The following MAP3K15 variants were observed in gnomAD, a reference collection of about 807,000 sequenced individuals.
MAP3K15 encodes the protein MAPK/ERK kinase kinase 15.
MAP3K15 carries 124 observed loss-of-function variants against 99.5 expected under a neutral mutation model. The observed-to-expected ratio is 1.25, with a 90% CI of 1.08 to 1.45. The LOEUF (loss-of-function observed/expected upper bound fraction) is 1.45, where lower values mean the gene tolerates loss of function less well. MAP3K15 is among the 40% of genes most tolerant of loss of function. The probability of loss-of-function intolerance (pLI) is 0.00; values close to 1 mark genes in which losing one functional copy is unlikely to be tolerated. For missense variants in MAP3K15, 1,242 were observed against 1,079.7 expected (o/e 1.15, Z -2.11); for synonymous variants, 494 against 439.6 (o/e 1.12, Z -1.55).
intron 6 of MAP3K15, among the ~76,000 whole-genome samples, chrX:19,433,679 A>G (rs2063900641): frequency 9.0e-6 from 1 of 111,609 alleles, no homozygotes; most frequent in African/African-American, 3.3e-5. Flanking sequence ...AACCCTGCCT[A>G]AGATAATTAC....
At chrX:19,367,309 C>T (rs192885746) in intron 25 of MAP3K15, among the ~76,000 whole-genome samples, 32 of 110,777 alleles carry the variant, frequency 2.9e-4, no homozygotes, top group African/African-American at 9.9e-4. Flanking sequence ...GAACAACACA[C>T]ACTGGGGCCT....
intron 6 of MAP3K15, among the ~76,000 whole-genome samples, chrX:19,446,116 G>A (rs906490136): frequency 2.7e-5 from 3 of 111,523 alleles, no homozygotes; most frequent in African/African-American, 9.8e-5. Flanking sequence ...CTTAACCTGC[G>A]TTCTAACAAA....
At chrX:19,442,269 A>AG (rs1314316418) in intron 6 of MAP3K15, among the ~76,000 whole-genome samples, 3 of 111,619 alleles carry the variant, frequency 2.7e-5, no homozygotes, top group South Asian at 7.5e-4. Flanking sequence ...CCCTACTTCA[A>AG]TGGTTATCTT....
chrX:19,468,520 G>GAGTTGC (rs1468038275), intron 3 of MAP3K15, among the ~76,000 whole-genome samples: 1 of 111,958 alleles, frequency 8.9e-6, no homozygotes, highest in African/African-American at 3.2e-5. Context: ...CAGTCAAAGA[G>GAGTTGC]AGCCTAGCTG....
chrX:19,459,798 C>T (rs1375160571), intron 5 of MAP3K15, among the ~76,000 whole-genome samples, 187 bp downstream of exon 5: 2 of 111,713 alleles, frequency 1.8e-5, no homozygotes, highest in African/African-American at 6.5e-5. Flanking sequence ...TGCAGTGAGC[C>T]GAGATCGCAC....
chrX:19,454,406 C>T (rs188632281), intron 6 of MAP3K15, among the ~76,000 whole-genome samples: 49 of 112,029 alleles, frequency 4.4e-4, no homozygotes, highest in Non-Finnish European at 8.3e-4. Flanking sequence ...ACAGCAAATA[C>T]AAATCACTCA....
At chrX:19,514,127 T>C (rs1278827589) in intron 1 of MAP3K15, among the ~76,000 whole-genome samples, 2 of 110,505 alleles carry the variant, frequency 1.8e-5, no homozygotes, top group Non-Finnish European at 3.8e-5. Flanking sequence ...CACACACACG[T>C]AAGACACCGA....
At chrX:19,492,317 G>A (rs2064373557) in intron 1 of MAP3K15, among the ~76,000 whole-genome samples, 1 of 110,362 alleles carries the variant, frequency 9.1e-6, no homozygotes, top group Non-Finnish European at 1.9e-5. Flanking sequence ...CAGACACCAC[G>A]TTGTTTTATC....
At chrX:19,504,846 C>T (rs1183511281) in intron 1 of MAP3K15, among the ~76,000 whole-genome samples, 1 of 108,493 alleles carries the variant, frequency 9.2e-6, no homozygotes, top group Non-Finnish European at 1.9e-5. Context: ...GTCCCAGCTA[C>T]CTGGGAGGCT....
At position 19,515,082 on chromosome X, in the gene MAP3K15, A is replaced by G; in HGVS notation, c.180T>C (p.Ala60=). ...EGESGGGPRR[A]LRAVYVRSES... Reference sequence around the variant, plus strand: ...CACTGCGCACGTATACTGCCCGCAGAGCCCGCCGCGGCCCGCCCCCACTCT... The same window carrying G: ...CACTGCGCACGTATACTGCCCGCAGGGCCCGCCGCGGCCCGCCCCCACTCT... The change falls in exon 1 of 29, where the codon GCT becomes GCC. Residue 60 remains alanine (A), a synonymous_variant. Coordinates refer to ENST00000338883, the MANE Select transcript of MAP3K15 (RefSeq NM_001001671.4). 3.3e-6 allele frequency: 3 copies of G among 901,010 alleles called. No individual in the cohort carries two copies. Among genetic ancestry groups the G allele is most frequent in the East Asian group, 5.0e-5 (1 of 20,193 alleles). The allele number at this position is 901,010 out of a possible 1,213,427, so 74.3% of individuals were successfully genotyped here.
At chrX:19,502,907 G>A (rs2064449646) in intron 1 of MAP3K15, among the ~76,000 whole-genome samples, 2 of 111,463 alleles carry the variant, frequency 1.8e-5, no homozygotes, top group Non-Finnish European at 3.8e-5. Context: ...GACTAATATG[G>A]GGACGGAAAC....
intron 1 of MAP3K15, among the ~76,000 whole-genome samples, chrX:19,501,248 C>T (rs757089434): frequency 1.4e-4 from 16 of 111,823 alleles, no homozygotes; most frequent in Non-Finnish European, 3.0e-4. Flanking sequence ...AGTTACAACG[C>T]CATCTTTAAT....
intron 1 of MAP3K15, among the ~76,000 whole-genome samples, chrX:19,499,474 G>A (rs962373447): frequency 1.4e-4 from 16 of 112,573 alleles, no homozygotes; most frequent in Non-Finnish European, 2.6e-4. Flanking sequence ...AAGTCACAAA[G>A]ACTTGCAAAT....
chrX:19,364,893 CAAAAAAA>C (rs781622051), intron 25 of MAP3K15, among the ~76,000 whole-genome samples: 1 of 38,494 alleles, frequency 2.6e-5, no homozygotes, highest in Non-Finnish European at 5.0e-5. Flanking sequence ...AACTCTGTCT[CAAAAAAA>C]AAAAAAAAAA....
At position 19,380,200 on chromosome X, in the gene MAP3K15, G is replaced by A. The variant is rs780339365; in HGVS notation, c.2509C>T (p.Leu837=). 5.0e-6 allele frequency: 6 copies of A among 1,208,077 alleles called. No individual in the cohort carries two copies. In the East Asian group the frequency reaches 1.2e-4, roughly 24 times the overall value. ...GYGAPADIWS[L]GCTIIEMATS... ...GCCATCTCAATGATGGTGCAGCCCA[G>A]GGACCAGATATCGGCTGGGGCACCA... Residue 837 remains leucine, a synonymous_variant, in exon 19 of 29, where the codon CTG becomes TTG. Coordinates refer to ENST00000338883, the MANE Select transcript of MAP3K15 (RefSeq NM_001001671.4).
In MAP3K15 at chrX:19,360,069, A is replaced by C. The variant is rs1234324156; in HGVS notation, c.*680T>G. The C allele has an allele frequency of 1.1e-5, 2 of 187,604 alleles. No individual in the cohort carries two copies. The highest frequency in any genetic ancestry group is 2.9e-4 in the East Asian group (2 of 6,790). 15.5% of individuals were successfully genotyped at this position (187,604 alleles called of 1,213,427 possible). ...CGCTGACCATTTCTCTACAAGATACAATATTTATTATCAGGCAAGAGGACA... is the reference window on the plus strand; with the variant it reads ...CGCTGACCATTTCTCTACAAGATACCATATTTATTATCAGGCAAGAGGACA... On this transcript the variant is annotated 3_prime_UTR_variant, in exon 29 of 29. Coordinates refer to ENST00000338883, the MANE Select transcript of MAP3K15 (RefSeq NM_001001671.4).
chrX:19,434,489 C>T (rs1006226327), intron 6 of MAP3K15, among the ~76,000 whole-genome samples: 6 of 109,672 alleles, frequency 5.5e-5, no homozygotes, highest in Admixed American at 9.8e-5. Context: ...CCACCCGCCT[C>T]GGCCTCCCAA....
intron 1 of MAP3K15, among the ~76,000 whole-genome samples, chrX:19,512,741 G>A (rs1331775339): frequency 9.3e-6 from 1 of 107,066 alleles, no homozygotes; most frequent in African/African-American, 3.4e-5. Context: ...TTACAGGCGT[G>A]AGCCACTGCA....
chrX:19,483,976 C>T (rs758231056), intron 3 of MAP3K15, among the ~76,000 whole-genome samples: 141 of 111,773 alleles, frequency 1.3e-3, no homozygotes, highest in Middle Eastern at 4.6e-3. Context: ...CTCATCCCAT[C>T]ACCTGGGATC....
Sources: allele counts gnomAD v4.1 joint callset (sites outside exome capture counted in the v4.1 genomes callset), GRCh38; gene constraint gnomAD v4.1.1; transcripts MANE v1.5; gene names NCBI Gene and HGNC (gene_info 2026-07-23, HGNC 2026-07-21).